PCLO: variants seen among roughly 807,000 people sequenced by gnomAD.
The protein encoded by PCLO is piccolo presynaptic cytomatrix protein, also known as protein piccolo.
Under a neutral mutation model 427.5 loss-of-function variants are expected in PCLO, and 82 were observed. That is an observed-to-expected ratio of 0.19 (90% CI 0.16 to 0.23). PCLO has a LOEUF of 0.23. PCLO is among the 10% of genes least tolerant of loss of function. The pLI is 1.00. For synonymous variants in PCLO, 2,357 were observed against 2,155.4 expected, an observed-to-expected ratio of 1.09 and a Z score of -2.59; for missense variants, 6,239 against 6,115.9, an observed-to-expected ratio of 1.02 and a Z score of -0.67.
In PCLO at chr7:83,022,695, A is replaced by C. The variant is rs564747983; in HGVS notation, c.3301-56208T>G. 1.7e-3 allele frequency among the ~76,000 whole-genome samples: 266 copies of C among 152,330 alleles called. 2 individuals carry two copies. The highest frequency in any genetic ancestry group is 5.9e-3 in the African/African-American group (247 of 41,582). ...TGATCTTTTAGATTTATACAGTAGA[A>C]ACTATTTTAGCTGCAGGTCTTTTTT... On this transcript the variant is annotated intron_variant, in intron 3 of 24. Transcript: ENST00000333891.
At chr7:82,868,325 A>G in intron 10 of PCLO, 1 of 380,230 alleles carries the variant, frequency 2.6e-6, no homozygotes, top group East Asian at 7.4e-5. Flanking sequence ...CTTCTACCAA[A>G]GACTTTTTCA....
intron 3 of PCLO, among the ~76,000 whole-genome samples, chr7:82,985,862 T>A (rs1334114274): frequency 7.0e-6 from 1 of 143,788 alleles, no homozygotes; most frequent in East Asian, 1.9e-4. Context: ...AAATTAGAGA[T>A]AATACTGTTG....
chr7:83,097,807 T>C (rs1472059134), intron 3 of PCLO, among the ~76,000 whole-genome samples: 1 of 151,752 alleles, frequency 6.6e-6, no homozygotes. Context: ...TCCGTGAGCA[T>C]GATCATATTT....
intron 3 of PCLO, among the ~76,000 whole-genome samples, chr7:82,988,147 TGG>T (rs1796295795): frequency 6.6e-6 from 1 of 152,218 alleles, no homozygotes; most frequent in African/African-American, 2.4e-5. Context: ...CTGAAGTAGA[TGG>T]GACTACAGGC....
At chr7:83,006,413 TTTA>T (rs1787946965) in intron 3 of PCLO, among the ~76,000 whole-genome samples, 2 of 151,316 alleles carry the variant, frequency 1.3e-5, no homozygotes, top group African/African-American at 4.8e-5. Flanking sequence ...TGAACAATAA[TTTA>T]TTTTTATGGA....
At chr7:83,047,760 A>T (rs2116244180) in intron 3 of PCLO, among the ~76,000 whole-genome samples, 1 of 152,220 alleles carries the variant, frequency 6.6e-6, no homozygotes, top group South Asian at 2.1e-4. Context: ...AAATAATGGA[A>T]ATTAAAGAAT....
rs1244502947 is a variant in PCLO at position 82,934,487 on chromosome 7, GTTTAT to G, written c.11112+14984_11112+14988del. Among the ~76,000 whole-genome samples the G allele has an allele frequency of 2.0e-5, 3 of 151,830 alleles. No individual in the cohort carries two copies. The East Asian group carries it at 5.8e-4, about 29-fold the overall frequency. On this transcript the variant is annotated intron_variant, in intron 6 of 24. Coordinates refer to ENST00000333891, the MANE Select transcript of PCLO (RefSeq NM_033026.6). ...TAATATATATCTTTAGTCTAACGAT[GTTTAT>G]TTTAACTTATCTTAAGATGAAAACA...
chr7:82,776,622 G>A (rs1020795439), intron 22 of PCLO, among the ~76,000 whole-genome samples: 3 of 152,016 alleles, frequency 2.0e-5, no homozygotes, highest in Non-Finnish European at 4.4e-5. Flanking sequence ...TGGTGAAACC[G>A]TGTCTCTACT....
rs1186452201 is a variant in PCLO, at chr7:82,796,589, T to G, written c.15007+4929A>C. On this transcript the variant is annotated intron_variant, in intron 22 of 24. Transcript: ENST00000333891. ...ACCATCACTTCTACAGATGCTGCCA[T>G]GCTTTTCAATGCTGAAATTCCAAAG... 2.0e-5 allele frequency among the ~76,000 whole-genome samples: 3 copies of G among 152,128 alleles called. No individual in the cohort carries two copies. In the East Asian group the frequency reaches 5.8e-4, roughly 29 times the overall value.
chr7:82,922,061 TA>T (rs1210166488), intron 6 of PCLO, among the ~76,000 whole-genome samples: 7 of 151,892 alleles, frequency 4.6e-5, no homozygotes, highest in Non-Finnish European at 1.0e-4. Flanking sequence ...TGGCTATTAT[TA>T]AAAAGTAAAC....
At chr7:83,119,970 A>G (rs4732495) in intron 3 of PCLO, among the ~76,000 whole-genome samples, 74,429 of 151,364 alleles carry the variant, frequency 0.49, 19,197 homozygotes, top group East Asian at 0.69. Context: ...ATGAGGACAG[A>G]CTATATGAAA....
At chr7:82,927,583 A>G (rs889500226) in intron 6 of PCLO, among the ~76,000 whole-genome samples, 12 of 152,112 alleles carry the variant, frequency 7.9e-5, no homozygotes, top group Admixed American at 7.9e-4. Context: ...ACGGCATCCA[A>G]ATGGTTTTGC....
At chr7:83,077,014 A>C (rs1789971677) in intron 3 of PCLO, among the ~76,000 whole-genome samples, 1 of 92,938 alleles carries the variant, frequency 1.1e-5, no homozygotes, top group African/African-American at 4.9e-5. Flanking sequence ...AAAATTAAAA[A>C]TGCATTGATA....
chr7:83,025,654 A>G (rs1788474328), intron 3 of PCLO, among the ~76,000 whole-genome samples: 1 of 150,952 alleles, frequency 6.6e-6, no homozygotes, highest in Non-Finnish European at 1.5e-5. Context: ...CATAATTGTC[A>G]GATTCACCAA....
chr7:82,871,110 A>G (rs936427658), intron 10 of PCLO, among the ~76,000 whole-genome samples: 1 of 152,054 alleles, frequency 6.6e-6, no homozygotes, highest in African/African-American at 2.4e-5. Context: ...ACTGCTAGGT[A>G]TATATCAAAA....
intron 3 of PCLO, among the ~76,000 whole-genome samples, chr7:83,084,685 T>C (rs1048126886): frequency 2.0e-5 from 3 of 152,224 alleles, no homozygotes; most frequent in South Asian, 2.1e-4. Context: ...CTTTGCAGAA[T>C]ATTTTCTTCC....
chr7:82,946,440 A>G (rs1795205750), intron 6 of PCLO, among the ~76,000 whole-genome samples: 1 of 152,252 alleles, frequency 6.6e-6, no homozygotes, highest in South Asian at 2.1e-4. Context: ...AATGTATTTA[A>G]TAAGTAATAT....
At chr7:82,837,868 A>C (rs2115756493) in intron 15 of PCLO, among the ~76,000 whole-genome samples, 1 of 152,098 alleles carries the variant, frequency 6.6e-6, no homozygotes, top group African/African-American at 2.4e-5. Flanking sequence ...TTCTCAGATA[A>C]ATTTGGGAAG....
At position 82,916,167 on chromosome 7, in the gene PCLO, A is replaced by C; in HGVS notation, c.11819T>G (p.Val3940Gly). Reference sequence around the variant, plus strand: ...AGGCTGTGGGGTTGGTGTAGGTTGAACTTGAGGTGTGAAGGACATTGTTGC... The same window carrying C: ...AGGCTGTGGGGTTGGTGTAGGTTGACCTTGAGGTGTGAAGGACATTGTTGC... ...AVATMSFTPQ[V>G]QPTPTPQPSY... The change falls in exon 7 of 25, where the codon GTT (valine) becomes GGT (glycine). Residue 3940 changes from valine to glycine, a missense_variant. By Grantham distance (109) the Val-to-Gly change is moderately radical. This residue lies in a region of PCLO where 680 missense variants were observed against 677.3 expected (regional missense o/e 1.00). Transcript: ENST00000333891. 3.7e-6 allele frequency: 6 copies of C among 1,613,546 alleles called. No homozygotes were observed. The highest frequency in any genetic ancestry group is 5.1e-6 in the Non-Finnish European group (6 of 1,179,720).
Sources: allele counts gnomAD v4.1 joint callset (sites outside exome capture counted in the v4.1 genomes callset), GRCh38; gene constraint gnomAD v4.1.1; regional missense constraint gnomAD v4.1.1; transcripts MANE v1.5; gene names NCBI Gene and HGNC (gene_info 2026-07-23, HGNC 2026-07-21).